Variants in GARIN1B observed in about 807,000 individuals in gnomAD.
GARIN1B encodes the protein Golgi-associated RAB2 interactor protein 1B.
At chr7:128,717,153 C>T in the GARIN1B span, among the ~76,000 whole-genome samples, 1 of 152,116 alleles carries the variant, frequency 6.6e-6, no homozygotes, top group Admixed American at 6.5e-5. Flanking sequence ...AGGTGTTGCA[C>T]TGGAAGGACA....
At chr7:128,724,647 G>T in the GARIN1B span, 1 of 1,104,128 alleles carries the variant, frequency 9.1e-7, no homozygotes, top group Non-Finnish European at 1.2e-6. Context: ...AGATAAAGTG[G>T]GATCCAGGGT....
the GARIN1B span, chr7:128,713,894 C>G: frequency 2.8e-5 from 31 of 1,101,172 alleles, no homozygotes; most frequent in Admixed American, 6.3e-4. Flanking sequence ...TTAATTACTA[C>G]GCTTTTGTGC....
chr7:128,731,284 C>G, the GARIN1B span: 2 of 714,858 alleles, frequency 2.8e-6, no homozygotes. Flanking sequence ...TAACCACGTC[C>G]TCGCCACTGC....
chr7:128,723,318 G>A, the GARIN1B span: 1 of 1,611,262 alleles, frequency 6.2e-7, no homozygotes, highest in Non-Finnish European at 8.5e-7. Flanking sequence ...AACCAGTTGA[G>A]GTACATGACT....
the GARIN1B span, among the ~76,000 whole-genome samples, chr7:128,722,179 C>T: frequency 1.2e-3 from 177 of 152,274 alleles, no homozygotes; most frequent in African/African-American, 4.1e-3. Flanking sequence ...TGAAGCATTG[C>T]TATTACTTCT....
At chr7:128,718,994 G>A in the GARIN1B span, 2 of 1,614,128 alleles carry the variant, frequency 1.2e-6, no homozygotes, top group Middle Eastern at 1.7e-4. Flanking sequence ...TCTGCAAAAG[G>A]GGCTGTCCAT....
the GARIN1B span, chr7:128,723,105 T>A: frequency 2.2e-6 from 3 of 1,395,304 alleles, no homozygotes; most frequent in Non-Finnish European, 2.8e-6. Context: ...AAATTTTGAG[T>A]TCCAACACTT....
At chr7:128,713,804 A>G in the GARIN1B span, 2 of 451,664 alleles carry the variant, frequency 4.4e-6, no homozygotes, top group Non-Finnish European at 8.0e-6. Flanking sequence ...GTGGCCAAGT[A>G]TACTCAAATT....
At chr7:128,730,081 G>A in the GARIN1B span, 1 of 1,607,572 alleles carries the variant, frequency 6.2e-7, no homozygotes, top group Non-Finnish European at 8.5e-7. Flanking sequence ...TACAGCAATG[G>A]GAGGAATCCC....
chr7:128,715,695 T>C, the GARIN1B span: 9 of 1,611,426 alleles, frequency 5.6e-6, no homozygotes, highest in Non-Finnish European at 7.6e-6. Context: ...ATCCAGGTAT[T>C]CTTGGGTGGC....
At chr7:128,731,344 A>G in the GARIN1B span, 2 of 591,916 alleles carry the variant, frequency 3.4e-6, no homozygotes, top group Non-Finnish European at 6.1e-6. Context: ...GCCTAGCAAG[A>G]TGTGCTCTCA....
At chr7:128,717,314 A>C in the GARIN1B span, among the ~76,000 whole-genome samples, 2 of 152,326 alleles carry the variant, frequency 1.3e-5, no homozygotes, top group East Asian at 3.9e-4. Flanking sequence ...TGAGTCTGGC[A>C]GATGGAGCAC....
At chr7:128,714,179 A>C in the GARIN1B span, 9 of 1,516,872 alleles carry the variant, frequency 5.9e-6, no homozygotes, top group Non-Finnish European at 8.0e-6. Context: ...TTTATAATGA[A>C]ATACAAAAGT....
the GARIN1B span, chr7:128,730,142 C>T: frequency 6.6e-7 from 1 of 1,504,764 alleles, no homozygotes; most frequent in Non-Finnish European, 9.0e-7. Flanking sequence ...GGGTCAGATC[C>T]TGGGGTCCTG....
chr7:128,716,882 T>TC, the GARIN1B span: 1 of 1,613,994 alleles, frequency 6.2e-7, no homozygotes, highest in Non-Finnish European at 8.5e-7. Context: ...GGTGACCTCC[T>TC]CGGTACCCTG....
At chr7:128,725,707 G>A in the GARIN1B span, among the ~76,000 whole-genome samples, 2 of 152,110 alleles carry the variant, frequency 1.3e-5, no homozygotes, top group Non-Finnish European at 2.9e-5. Flanking sequence ...TTAAAGAACC[G>A]TTTCTGTTTA....
At chr7:128,712,077 A>G in the GARIN1B span, among the ~76,000 whole-genome samples, 1 of 152,138 alleles carries the variant, frequency 6.6e-6, no homozygotes, top group African/African-American at 2.4e-5. Context: ...ACCTTGCTGT[A>G]TTTTCCAATA....
the GARIN1B span, among the ~76,000 whole-genome samples, chr7:128,709,754 T>G: frequency 3.6e-5 from 1 of 27,634 alleles, no homozygotes; most frequent in African/African-American, 9.2e-5. Context: ...CTCTCTCTTT[T>G]TTTTTTTTTT....
At chr7:128,713,943 A>C in the GARIN1B span, 2 of 1,517,464 alleles carry the variant, frequency 1.3e-6, no homozygotes, top group Non-Finnish European at 1.8e-6. Context: ...GGGAAATGCA[A>C]ACCAAAGGAT....
Sources: gnomAD v4.1 joint callset for allele counts (sites outside exome capture counted in the v4.1 genomes callset) on GRCh38, gnomAD v4.1.1 for gene constraint, MANE v1.5 for transcripts, NCBI Gene and HGNC (gene_info 2026-07-23, HGNC 2026-07-21) for gene names.